DAPK1: variants seen among roughly 807,000 people sequenced by gnomAD.
The protein encoded by DAPK1 is death associated protein kinase 1, also known as death-associated protein kinase 1.
A neutral mutation model predicts 144.9 loss-of-function variants in DAPK1; 56 were observed. The observed-to-expected ratio is 0.39, with a 90% CI of 0.31 to 0.48. DAPK1 has a LOEUF of 0.48. Ranked by LOEUF, DAPK1 falls within the 20% of genes least tolerant of loss-of-function variation. The pLI, the probability that DAPK1 is intolerant of heterozygous loss-of-function variation, is 0.95. For synonymous variants in DAPK1, 690 were observed against 749.0 expected (o/e 0.92, Z 1.29); for missense variants, 1,454 against 1,875.4 (o/e 0.78, Z 4.15).
intron 20 of DAPK1, among the ~76,000 whole-genome samples, chr9:87,684,802 G>T (rs998925364): frequency 1.3e-5 from 2 of 152,230 alleles, no homozygotes; most frequent in Non-Finnish European, 2.9e-5. Context: ...TAACAAAAAT[G>T]ATTTCCTGGG....
intron 2 of DAPK1, among the ~76,000 whole-genome samples, chr9:87,522,424 A>G (rs1825331978): frequency 6.6e-6 from 1 of 152,194 alleles, no homozygotes; most frequent in Admixed American, 6.5e-5. Context: ...TGTTATACAC[A>G]TTGTTCTGCC....
In DAPK1 at chr9:87,706,220, C is replaced by T; in HGVS notation, c.3149C>T (p.Ser1050Phe). ...LCTNVLGKLL[S>F]VETPRALHHY... ...ACAAACGTCCTGGGGAAGTTGCTGT[C>T]CGTGGAGACCCCACGGGCGCTGCAC... The change falls in exon 26 of 26, where the codon TCC (serine) becomes TTC (phenylalanine). Residue 1050 changes from serine to phenylalanine, a missense_variant. Ser to Phe is a radical substitution (Grantham distance 155). Coordinates refer to ENST00000408954, the MANE Select transcript of DAPK1 (RefSeq NM_004938.4). This position sits in a 1 kb window ranked among gnomAD's most constrained non-coding sequence, Gnocchi z 9.0. 1 of 1,613,364 alleles carries T rather than the reference C, an allele frequency of 6.2e-7. No individual in the cohort carries two copies. The highest frequency in any genetic ancestry group is 8.5e-7 in the Non-Finnish European group (1 of 1,179,298).
chr9:87,547,210 A>G (rs1246600709), intron 2 of DAPK1, among the ~76,000 whole-genome samples: 2 of 152,228 alleles, frequency 1.3e-5, no homozygotes, highest in Non-Finnish European at 2.9e-5. Flanking sequence ...TAGTAATAAT[A>G]ATAATTTGAT....
In DAPK1 at chr9:87,498,989, A is replaced by G; in HGVS notation, c.-89A>G. 1 of 992,176 alleles carries G rather than the reference A, an allele frequency of 1.0e-6. No homozygotes were observed. Among genetic ancestry groups the G allele is most frequent in the Non-Finnish European group, 1.6e-6 (1 of 620,850 alleles). 61.5% of individuals were successfully genotyped at this position (992,176 alleles called of 1,614,324 possible). A position where few individuals can be genotyped will look rare whatever the true frequency, so the allele number is the denominator to read the frequency against. On this transcript the variant is annotated 5_prime_UTR_variant, in exon 2 of 26. It removes the in-frame stop codon of an upstream open reading frame in the 5' UTR. Coordinates refer to ENST00000408954, the MANE Select transcript of DAPK1 (RefSeq NM_004938.4). ...CAAAAGGACTGGAGACTGATGCATG[A>G]GGGGGCTACGGAGGCGCAGGAGCGG...
In DAPK1 at chr9:87,703,218, G is replaced by A. The variant is rs1825518882; in HGVS notation, c.3060+1G>A. The A allele has an allele frequency of 6.3e-7, 1 of 1,597,886 alleles. No homozygotes were observed. Among genetic ancestry groups the A allele is most frequent in the Non-Finnish European group, 8.6e-7 (1 of 1,165,608 alleles). On this transcript the variant is annotated splice_donor_variant, in intron 25 of 25. Coordinates refer to ENST00000408954, the MANE Select transcript of DAPK1 (RefSeq NM_004938.4). LOFTEE classifies it high-confidence loss of function. ...TCAGCAGCTCCACAGCACAGGCGAG[G>A]TGAGCCCCTGGGAGCCCAGGCAGGG... is the stretch of plus-strand genomic sequence containing the variant.
chr9:87,678,868 G>A (rs550834345), intron 19 of DAPK1, among the ~76,000 whole-genome samples: 1 of 152,338 alleles, frequency 6.6e-6, no homozygotes, highest in East Asian at 1.9e-4. Context: ...CCAGGGGTCA[G>A]TATAGTTCCT....
chr9:87,673,985 T>G (rs1824269573), intron 19 of DAPK1, among the ~76,000 whole-genome samples: 1 of 152,160 alleles, frequency 6.6e-6, no homozygotes, highest in Non-Finnish European at 1.5e-5. Context: ...AGGACTGTGT[T>G]GTTGCTCAGC....
At chr9:87,650,711 G>A (rs965759620) in intron 16 of DAPK1, among the ~76,000 whole-genome samples, 1 of 152,202 alleles carries the variant, frequency 6.6e-6, no homozygotes, top group Non-Finnish European at 1.5e-5. Context: ...TAGAGCAATG[G>A]TTCTGGGTCG....
chr9:87,541,745 G>A (rs910778800), intron 2 of DAPK1, among the ~76,000 whole-genome samples: 2 of 152,054 alleles, frequency 1.3e-5, no homozygotes, highest in African/African-American at 4.8e-5. Flanking sequence ...TCAAAGATAC[G>A]TTTTCATGAA....
chr9:87,642,390 G>A (rs1163219732), intron 10 of DAPK1, among the ~76,000 whole-genome samples: 1 of 152,034 alleles, frequency 6.6e-6, no homozygotes, highest in Non-Finnish European at 1.5e-5. Context: ...ATTCTTTGTG[G>A]TAAGCAGCAT....
chr9:87,611,379 G>A (rs1828921964), intron 3 of DAPK1, among the ~76,000 whole-genome samples: 1 of 152,128 alleles, frequency 6.6e-6, no homozygotes, highest in African/African-American at 2.4e-5. Flanking sequence ...TCAAGCTCCT[G>A]CACTCAAGCG....
intron 16 of DAPK1, 127 bp from the exon 17 acceptor site, chr9:87,651,400 C>T: frequency 1.1e-6 from 1 of 884,030 alleles, no homozygotes; most frequent in Non-Finnish European, 1.8e-6. Context: ...TTTAAATCCT[C>T]CACTAGGGCT....
At chr9:87,630,879 A>G (rs767414912) in intron 3 of DAPK1, among the ~76,000 whole-genome samples, 27 of 152,204 alleles carry the variant, frequency 1.8e-4, no homozygotes, top group Admixed American at 3.3e-4. Context: ...GTACCAGGAA[A>G]TTACATTAAA....
chr9:87,536,053 G>T (rs1036783985), intron 2 of DAPK1, among the ~76,000 whole-genome samples: 1 of 152,186 alleles, frequency 6.6e-6, no homozygotes, highest in Non-Finnish European at 1.5e-5. Flanking sequence ...GTGAAATGGG[G>T]CTTGCCAGCT....
At chr9:87,646,078 A>C in intron 12 of DAPK1, 64 bp downstream of exon 12, 1 of 1,566,612 alleles carries the variant, frequency 6.4e-7, no homozygotes, top group Non-Finnish European at 8.7e-7. Context: ...TTCCATATCC[A>C]AGGAAAGACC....
intron 3 of DAPK1, among the ~76,000 whole-genome samples, chr9:87,628,883 C>G (rs1405555677): frequency 6.6e-6 from 1 of 152,196 alleles, no homozygotes; most frequent in African/African-American, 2.4e-5. Flanking sequence ...AATCCAAATG[C>G]AAGGCTAAGA....
intron 16 of DAPK1, chr9:87,650,432 T>G: frequency 3.4e-6 from 1 of 297,458 alleles, no homozygotes; most frequent in South Asian, 4.0e-5. Flanking sequence ...CATTGAGGAC[T>G]GACATTGGCA....
chr9:87,658,800 T>C (rs1158963849), intron 18 of DAPK1, among the ~76,000 whole-genome samples: 1 of 152,236 alleles, frequency 6.6e-6, no homozygotes, highest in African/African-American at 2.4e-5. Flanking sequence ...TTCGAGTGTT[T>C]GCTGGCCTGA....
chr9:87,689,066 G>A (rs1587846916), intron 21 of DAPK1, among the ~76,000 whole-genome samples: 1 of 152,124 alleles, frequency 6.6e-6, no homozygotes, highest in Non-Finnish European at 1.5e-5. Context: ...TTATAGTTTT[G>A]AGGTTTTACA....
Sources: allele counts gnomAD v4.1 joint callset (sites outside exome capture counted in the v4.1 genomes callset), GRCh38; gene constraint gnomAD v4.1.1; non-coding constraint Gnocchi (gnomAD v3.1); transcripts MANE v1.5; gene names NCBI Gene and HGNC (gene_info 2026-07-23, HGNC 2026-07-21).